Variants in STX8 observed in about 807,000 individuals in gnomAD.
STX8 encodes syntaxin 8.
STX8 carries 23 observed loss-of-function variants against 37.5 expected under a neutral mutation model. That is an observed-to-expected ratio of 0.61 (90% confidence interval 0.44 to 0.87). STX8 has a LOEUF of 0.87. Ranked by LOEUF, STX8 falls within the 40% of genes least tolerant of loss-of-function variation. The pLI is 0.00. For missense variants in STX8, 313 were observed against 284.7 expected (o/e 1.10, Z -0.71); for synonymous variants, 115 against 99.1 (o/e 1.16, Z -0.95).
chr17:9,545,226 T>A lies in STX8; in HGVS notation c.269A>T (p.Glu90Val). Residue 90 changes from glutamate (E) to valine (V), a missense_variant, in exon 4 of 8, where the codon GAG (glutamate) becomes GTG (valine). Transcript: ENST00000306357. ...QNLLDDLVTR[E>V]RLLLASFKNE... is the part of the protein sequence containing the mutation. ...CTTAAAGGATGCCAGAAGTAGTCTC[T>A]CTCGAGTTACAAGATCATCCAAGAG... is the stretch of plus-strand genomic sequence containing the variant. The A allele has an allele frequency of 6.2e-7, 1 of 1,614,146 alleles. No homozygotes were observed. Among genetic ancestry groups the A allele is most frequent in the Non-Finnish European group, 8.5e-7 (1 of 1,180,018 alleles).
intron 7 of STX8, among the ~76,000 whole-genome samples, chr17:9,276,927 C>T (rs1907698331): frequency 6.6e-6 from 1 of 150,924 alleles, no homozygotes; most frequent in South Asian, 2.1e-4. Context: ...TGAGCCACTG[C>T]ACTCAGCCAC....
In STX8 at chr17:9,546,590, G is replaced by GTTTTTTTTTTTTTTTTTT. The variant is rs745424722; in HGVS notation, c.213-1309_213-1308insAAAAAAAAAAAAAAAAAA. Among the ~76,000 whole-genome samples the GTTTTTTTTTTTTTTTTTT allele has an allele frequency of 7.4e-3, 458 of 62,066 alleles. 43 individuals carry two copies. The highest frequency in any genetic ancestry group is 0.031 in the Middle Eastern group (2 of 64). 40.7% of individuals were successfully genotyped at this position (62,066 alleles called of 152,430 possible). ...CTTTCTTGATGCAAACTACAAAAGT[G>GTTTTTTTTTTTTTTTTTT]GTTTTTTTTTTTTTTTTTTTTTTTT... is the stretch of plus-strand genomic sequence containing the variant. On this transcript the variant is annotated intron_variant, in intron 3 of 7. Transcript: ENST00000306357.
At chr17:9,560,330 G>A (rs569656872) in intron 2 of STX8, among the ~76,000 whole-genome samples, 14 of 145,968 alleles carry the variant, frequency 9.6e-5, no homozygotes, top group Middle Eastern at 3.8e-3. Flanking sequence ...CCCAGGAAGC[G>A]GAGGTTGCAG....
chr17:9,494,662 A>T (rs1034595932), intron 5 of STX8, among the ~76,000 whole-genome samples: 17 of 150,550 alleles, frequency 1.1e-4, no homozygotes, highest in African/African-American at 3.6e-4. Context: ...AAAGTATAGT[A>T]CAACAGCTTT....
chr17:9,454,698 A>G (rs1221866183), intron 6 of STX8, among the ~76,000 whole-genome samples: 1 of 150,758 alleles, frequency 6.6e-6, no homozygotes, highest in Non-Finnish European at 1.5e-5. Flanking sequence ...AAACAAAAAA[A>G]CTTATGAATT....
chr17:9,350,813 G>A (rs571332530), intron 7 of STX8, among the ~76,000 whole-genome samples: 42 of 152,318 alleles, frequency 2.8e-4, no homozygotes, highest in African/African-American at 8.4e-4. Flanking sequence ...GATTACAGGC[G>A]TGAGCCACCA....
At chr17:9,339,572 T>C (rs1330616566) in intron 7 of STX8, among the ~76,000 whole-genome samples, 1 of 152,076 alleles carries the variant, frequency 6.6e-6, no homozygotes, top group East Asian at 1.9e-4. Context: ...GGGAATTCCT[T>C]GAACCCAGGA....
intron 7 of STX8, among the ~76,000 whole-genome samples, chr17:9,362,998 G>A (rs987996464): frequency 3.3e-5 from 5 of 151,984 alleles, no homozygotes; most frequent in South Asian, 2.1e-4. Context: ...AACTTGATGC[G>A]GCCACCCTGT....
At chr17:9,356,720 T>C (rs1597622177) in intron 7 of STX8, among the ~76,000 whole-genome samples, 1 of 152,216 alleles carries the variant, frequency 6.6e-6, no homozygotes, top group Admixed American at 6.5e-5. Flanking sequence ...CCCATGGCAG[T>C]GGCAGCCTCT....
intron 5 of STX8, among the ~76,000 whole-genome samples, chr17:9,500,465 C>G (rs954336966): frequency 6.6e-6 from 1 of 152,008 alleles, no homozygotes; most frequent in African/African-American, 2.4e-5. Context: ...GCATTTTCCT[C>G]GAGTTGAGAA....
intron 2 of STX8, among the ~76,000 whole-genome samples, chr17:9,558,740 G>A (rs1907087608): frequency 6.6e-6 from 1 of 151,876 alleles, no homozygotes; most frequent in Non-Finnish European, 1.5e-5. Flanking sequence ...GGAGAACGGC[G>A]TGAACCCTGG....
intron 7 of STX8, among the ~76,000 whole-genome samples, chr17:9,369,462 G>C (rs1312335652): frequency 6.6e-6 from 1 of 151,014 alleles, no homozygotes. Flanking sequence ...CAGATTAATT[G>C]CTTATTCTTG....
chr17:9,546,661 G>T (rs936252430), intron 3 of STX8, among the ~76,000 whole-genome samples: 1 of 139,838 alleles, frequency 7.2e-6, no homozygotes, highest in African/African-American at 2.7e-5. Context: ...GCAGTGGCGC[G>T]ATCTCGGCTC....
chr17:9,395,142 A>C (rs1912354928), intron 6 of STX8, among the ~76,000 whole-genome samples: 1 of 152,086 alleles, frequency 6.6e-6, no homozygotes, highest in African/African-American at 2.4e-5. Context: ...TATTTATTTA[A>C]TTAAATATAA....
In STX8 at chr17:9,250,505, T is replaced by G; in HGVS notation, c.*73A>C. 5 of 1,356,862 alleles carry G rather than the reference T, an allele frequency of 3.7e-6. No individual in the cohort carries two copies. Among genetic ancestry groups the G allele is most frequent in the Non-Finnish European group, 5.2e-6 (5 of 969,462 alleles). The allele number at this position is 1,356,862 out of a possible 1,614,324, so 84.1% of individuals were successfully genotyped here. A position where few individuals can be genotyped will look rare whatever the true frequency, so the allele number is the denominator to read the frequency against. Reference sequence around the variant, plus strand: ...TGGGGGAATTTATTGAGAGCAGGTTTTGCGTACCAAAAGGGTGTTGGGCTT... The same window carrying G: ...TGGGGGAATTTATTGAGAGCAGGTTGTGCGTACCAAAAGGGTGTTGGGCTT... On this transcript the variant is annotated 3_prime_UTR_variant, in exon 8 of 8. Transcript: ENST00000306357.
chr17:9,298,115 C>A (rs1380957782), intron 7 of STX8, among the ~76,000 whole-genome samples: 1 of 151,816 alleles, frequency 6.6e-6, no homozygotes, highest in Non-Finnish European at 1.5e-5. Flanking sequence ...CAGCCTCCTC[C>A]TCCGTTCCCA....
intron 7 of STX8, among the ~76,000 whole-genome samples, chr17:9,341,437 T>TTTTG (rs1307347542): frequency 6.6e-6 from 1 of 152,058 alleles, no homozygotes; most frequent in Non-Finnish European, 1.5e-5. Context: ...GACATGACTT[T>TTTTG]TTTGTTTGTT....
intron 7 of STX8, among the ~76,000 whole-genome samples, chr17:9,376,999 C>T (rs536774056): frequency 6.6e-6 from 1 of 152,228 alleles, no homozygotes; most frequent in African/African-American, 2.4e-5. Context: ...GCAGGATGGT[C>T]GGGCAGGACA....
At chr17:9,571,367 A>T (rs1907679238) in intron 1 of STX8, among the ~76,000 whole-genome samples, 1 of 152,156 alleles carries the variant, frequency 6.6e-6, no homozygotes, top group African/African-American at 2.4e-5. Flanking sequence ...AAAGCTCTCC[A>T]AGTGATTCCA....
Sources: gnomAD v4.1 joint callset for allele counts (sites outside exome capture counted in the v4.1 genomes callset) on GRCh38, gnomAD v4.1.1 for gene constraint, MANE v1.5 for transcripts, NCBI Gene and HGNC (gene_info 2026-07-23, HGNC 2026-07-21) for gene names.